SLC17A6: variants seen among roughly 807,000 people sequenced by gnomAD.
SLC17A6 encodes the protein vesicular glutamate transporter 2.
Under a neutral mutation model 67.1 loss-of-function variants are expected in SLC17A6, and 35 were observed. That is an observed-to-expected ratio of 0.52 (90% CI 0.40 to 0.69). SLC17A6 has a LOEUF of 0.69. Among genes scored for constraint, SLC17A6 ranks in the 30% least tolerant of loss-of-function variants. The pLI is 0.00. For missense variants in SLC17A6, 588 were observed against 723.9 expected (o/e 0.81, Z 2.15); for synonymous variants, 285 against 252.3 (o/e 1.13, Z -1.23).
chr11:22,350,914 G>C (rs1023199480), intron 3 of SLC17A6, among the ~76,000 whole-genome samples: 5 of 152,108 alleles, frequency 3.3e-5, no homozygotes, highest in Non-Finnish European at 5.9e-5. Flanking sequence ...TAATTTGCTA[G>C]AGTATTTCAT....
At chr11:22,368,626 C>T (rs561595202) in intron 7 of SLC17A6, among the ~76,000 whole-genome samples, 2 of 152,086 alleles carry the variant, frequency 1.3e-5, no homozygotes, top group East Asian at 3.9e-4. Flanking sequence ...AGGATCTTTG[C>T]CCAACAGGGA....
At chr11:22,365,523 C>T (rs1856101440) in intron 6 of SLC17A6, 24 bp from the exon 7 acceptor site, 1 of 1,613,428 alleles carries the variant, frequency 6.2e-7, no homozygotes, top group Non-Finnish European at 8.5e-7. Flanking sequence ...AAGTGACTTT[C>T]TCCTTCTGAA....
At chr11:22,359,612 A>G in intron 4 of SLC17A6, 85 bp downstream of exon 4, 1 of 712,740 alleles carries the variant, frequency 1.4e-6, no homozygotes. Context: ...CTGTAAATAA[A>G]TATATTGTAT....
chr11:22,343,250 G>A lies in SLC17A6; in HGVS notation c.343G>A (p.Ala115Thr). The A allele has an allele frequency of 1.2e-6, 2 of 1,613,564 alleles. No homozygotes were observed. The highest frequency in any genetic ancestry group is 1.7e-6 in the Non-Finnish European group (2 of 1,179,788). Residue 115 changes from alanine (A) to threonine (T), a missense_variant, in exon 3 of 12, where the codon GCC becomes ACC. Ala to Thr is a moderately conservative substitution (Grantham distance 58, BLOSUM62 0). This residue lies in a region of SLC17A6 where 48 missense variants were observed against 36.5 expected (regional missense o/e 1.32). Coordinates refer to ENST00000263160, the MANE Select transcript of SLC17A6 (RefSeq NM_020346.3). The stretch of plus-strand genomic sequence containing the variant: ...CTTTTTTCCTACCCCTCCATAGAAA[G>A]CCAAATTCAACTGGGACCCGGAAAC... Reference protein sequence around the residue: ...HRGGKVIKEKAKFNWDPETVG... With the variant: ...HRGGKVIKEKTKFNWDPETVG...
chr11:22,343,393 G>T (rs2278750), intron 3 of SLC17A6, 28 bp downstream of exon 3: 52 of 1,571,576 alleles, frequency 3.3e-5, no homozygotes, highest in Non-Finnish European at 4.2e-5. Flanking sequence ...ACTGGGGCTC[G>T]GGGCGTGGTG....
At chr11:22,359,988 T>C (rs1289950720) in intron 4 of SLC17A6, among the ~76,000 whole-genome samples, 1 of 152,092 alleles carries the variant, frequency 6.6e-6, no homozygotes, top group Admixed American at 6.6e-5. Context: ...CAACTCTTGC[T>C]CCATCAGCCT....
intron 3 of SLC17A6, among the ~76,000 whole-genome samples, chr11:22,345,144 AG>A (rs1855862607): frequency 6.6e-6 from 1 of 152,098 alleles, no homozygotes; most frequent in Non-Finnish European, 1.5e-5. Context: ...AAAAAACACC[AG>A]GGATGCTCCA....
chr11:22,340,496 T>C (rs979435597), intron 1 of SLC17A6, among the ~76,000 whole-genome samples: 1 of 152,202 alleles, frequency 6.6e-6, no homozygotes, highest in African/African-American at 2.4e-5. Flanking sequence ...TGAAATCTTA[T>C]GAAACACTAT....
At position 22,361,931 on chromosome 11, in the gene SLC17A6, T is replaced by A. The variant is rs551031286; in HGVS notation, c.662-808T>A. Reference sequence around the variant, plus strand: ...TTTGCTGTATACTTAAGCCATAAGGTTAACAGTATTATTGCCTGTAGCATT... The same window carrying A: ...TTTGCTGTATACTTAAGCCATAAGGATAACAGTATTATTGCCTGTAGCATT... On this transcript the variant is annotated intron_variant, in intron 5 of 11. Transcript: ENST00000263160. Among the ~76,000 whole-genome samples the A allele has an allele frequency of 9.3e-4, 142 of 152,162 alleles. 1 individual carries two copies. The highest frequency in any genetic ancestry group is 4.7e-4 in the Non-Finnish European group (32 of 68,010).
Position 22,376,617 on chromosome 11 carries a change from G to A in SLC17A6, c.1358G>A (p.Gly453Asp). 1 of 1,613,934 alleles carries A rather than the reference G, an allele frequency of 6.2e-7. No individual in the cohort carries two copies. Residue 453 changes from glycine (G) to aspartate (D), a missense_variant, in exon 11 of 12, where the codon GGC becomes GAC. Coordinates refer to ENST00000263160, the MANE Select transcript of SLC17A6 (RefSeq NM_020346.3). Reference sequence around the variant, plus strand: ...TTAATGGGCATTTCGAATGGTGTTGGCACATTGTCAGGAATGGTTTGTCCT... The same window carrying A: ...TTAATGGGCATTTCGAATGGTGTTGACACATTGTCAGGAATGGTTTGTCCT... Reference protein sequence around the residue: ...SILMGISNGVGTLSGMVCPII... With the variant: ...SILMGISNGVDTLSGMVCPII...
chr11:22,352,607 G>A (rs185785646), intron 3 of SLC17A6, among the ~76,000 whole-genome samples: 3 of 152,206 alleles, frequency 2.0e-5, no homozygotes, highest in African/African-American at 4.8e-5. Flanking sequence ...GGAGTTTAAA[G>A]AAGTGGAGAC....
intron 3 of SLC17A6, among the ~76,000 whole-genome samples, chr11:22,348,090 T>TA (rs1044456589): frequency 2.0e-5 from 3 of 152,098 alleles, no homozygotes; most frequent in African/African-American, 2.4e-5. Context: ...GAGCAGGAAA[T>TA]AGAGAACTGA....
At chr11:22,366,142 T>C (rs2133873202) in intron 7 of SLC17A6, among the ~76,000 whole-genome samples, 1 of 152,282 alleles carries the variant, frequency 6.6e-6, no homozygotes, top group Non-Finnish European at 1.5e-5. Flanking sequence ...ATAATGTTTT[T>C]CCTATACATA....
In SLC17A6 at chr11:22,374,711, A is replaced by G. The variant is rs372665220; in HGVS notation, c.1042-44A>G. The G allele has an allele frequency of 4.7e-6, 7 of 1,502,926 alleles. No homozygotes were observed. The African/African-American group carries it at 9.8e-5, about 21-fold the overall frequency. 93.1% of individuals were successfully genotyped at this position (1,502,926 alleles called of 1,614,324 possible). ...CAAAGGCCATTAAATTGCCCATATT[A>G]TTTATGGTTATGTCTATTTCTCTCC... is the stretch of plus-strand genomic sequence containing the variant. On this transcript the variant is annotated intron_variant, in intron 8 of 11. Coordinates refer to ENST00000263160, the MANE Select transcript of SLC17A6 (RefSeq NM_020346.3).
chr11:22,375,931 T>G (rs755593529), intron 9 of SLC17A6, 51 bp from the exon 10 acceptor site: 2 of 1,364,274 alleles, frequency 1.5e-6, no homozygotes, highest in East Asian at 4.6e-5. Flanking sequence ...TTTGGCTCAT[T>G]GGTAAAATTT....
intron 3 of SLC17A6, among the ~76,000 whole-genome samples, chr11:22,348,167 G>C (rs2133862002): frequency 6.6e-6 from 1 of 152,254 alleles, no homozygotes; most frequent in East Asian, 1.9e-4. Context: ...GATGATACAT[G>C]ATGGCAAGGT....
intron 9 of SLC17A6, among the ~76,000 whole-genome samples, chr11:22,375,660 A>G (rs1446105241): frequency 6.6e-6 from 1 of 151,846 alleles, no homozygotes; most frequent in African/African-American, 2.4e-5. Context: ...TTGTATTTTT[A>G]GTAGAGTCTG....
chr11:22,377,276 T>C (rs769338675), intron 11 of SLC17A6, 129 bp from the exon 12 acceptor site: 92 of 697,836 alleles, frequency 1.3e-4, no homozygotes, highest in Non-Finnish European at 2.1e-4. Context: ...TTGCTTTACA[T>C]AATCAGGATA....
intron 6 of SLC17A6, among the ~76,000 whole-genome samples, chr11:22,364,456 A>G (rs1856086171): frequency 6.6e-6 from 1 of 152,152 alleles, no homozygotes; most frequent in African/African-American, 2.4e-5. Context: ...TACTGATTGG[A>G]TCATATAGCG....
Sources: allele counts gnomAD v4.1 joint callset (sites outside exome capture counted in the v4.1 genomes callset), GRCh38; gene constraint gnomAD v4.1.1; regional missense constraint gnomAD v4.1.1; transcripts MANE v1.5; gene names NCBI Gene and HGNC (gene_info 2026-07-23, HGNC 2026-07-21).